RYR2: variants seen among roughly 807,000 people sequenced by gnomAD.
The protein encoded by RYR2 is cardiac muscle ryanodine receptor-calcium release channel.
A neutral mutation model predicts 601.1 loss-of-function variants in RYR2; 227 were observed. The observed-to-expected ratio is 0.38, with a 90% CI of 0.34 to 0.42. RYR2 has a LOEUF of 0.42. RYR2 is among the 10% of genes least tolerant of loss of function. RYR2 has a pLI of 1.00. For missense variants in RYR2, 4,646 were observed against 6,156.5 expected (o/e 0.75, Z 8.21); for synonymous variants, 2,223 against 2,175.1 (o/e 1.02, Z -0.61).
intron 1 of RYR2, among the ~76,000 whole-genome samples, chr1:237,208,400 C>T (rs1038885309): frequency 6.6e-6 from 1 of 152,112 alleles, no homozygotes; most frequent in Non-Finnish European, 1.5e-5. Context: ...GTCTACATTA[C>T]ATAAAATAAG....
At chr1:237,208,970 A>ATATATATATATG (rs1682196595) in intron 1 of RYR2, among the ~76,000 whole-genome samples, 1 of 91,532 alleles carries the variant, frequency 1.1e-5, no homozygotes, top group African/African-American at 3.3e-5. Context: ...ATATATATAT[A>ATATATATATATG]TATATATATA....
chr1:237,757,825 C>T (rs2149266604), intron 82 of RYR2, 49 bp downstream of exon 82: 1 of 1,122,758 alleles, frequency 8.9e-7, no homozygotes, highest in East Asian at 2.4e-5. Flanking sequence ...ACAAATGGAC[C>T]ATATAGTAAA....
chr1:237,710,045 T>A (rs1409734294), intron 70 of RYR2, among the ~76,000 whole-genome samples: 1 of 152,228 alleles, frequency 6.6e-6, no homozygotes, highest in Non-Finnish European at 1.5e-5. Context: ...AAAATAAAGC[T>A]TCTTTCTACT....
intron 38 of RYR2, among the ~76,000 whole-genome samples, chr1:237,618,754 T>C (rs1678764392): frequency 6.6e-6 from 1 of 152,054 alleles, no homozygotes; most frequent in Non-Finnish European, 1.5e-5. Context: ...TGACTTCCAC[T>C]CTCACCAGGC....
intron 50 of RYR2, among the ~76,000 whole-genome samples, chr1:237,650,516 T>A (rs1292386932): frequency 6.6e-6 from 1 of 152,236 alleles, no homozygotes. Context: ...CAGCATAATA[T>A]TAAACCATAT....
At chr1:237,562,163 T>G (rs1278264917) in intron 27 of RYR2, among the ~76,000 whole-genome samples, 2 of 152,166 alleles carry the variant, frequency 1.3e-5, no homozygotes, top group African/African-American at 4.8e-5. Flanking sequence ...ATCTTTGGAG[T>G]ACTGTTGTCA....
At chr1:237,566,270 G>T (rs1672071287) in intron 27 of RYR2, among the ~76,000 whole-genome samples, 1 of 152,026 alleles carries the variant, frequency 6.6e-6, no homozygotes, top group Admixed American at 6.6e-5. Context: ...CTTGGGTTTT[G>T]TTCTACAGAA....
chr1:237,058,231 GGAAAA>G (rs1023022635), intron 1 of RYR2, among the ~76,000 whole-genome samples: 3 of 152,162 alleles, frequency 2.0e-5, no homozygotes, highest in African/African-American at 7.2e-5. Flanking sequence ...TCAGGTCAGG[GGAAAA>G]TGTTGAAATA....
chr1:237,385,100 A>C (rs1328981185), intron 8 of RYR2, among the ~76,000 whole-genome samples: 1 of 152,050 alleles, frequency 6.6e-6, no homozygotes. Context: ...CATGTTAGCC[A>C]GGATGGTCTC....
At chr1:237,701,778 T>C (rs561236559) in intron 65 of RYR2, among the ~76,000 whole-genome samples, 200 bp from the exon 66 acceptor site, 34 of 152,234 alleles carry the variant, frequency 2.2e-4, no homozygotes, top group African/African-American at 8.2e-4. Context: ...ACATGTGATA[T>C]TTGACTTTAT....
At position 237,515,899 on chromosome 1, in the gene RYR2, T is replaced by TC. The variant is rs1558953222; in HGVS notation, c.2822+4110dup. Among the ~76,000 whole-genome samples the TC allele has an allele frequency of 6.0e-3, 892 of 148,294 alleles. 12 individuals are homozygous for TC. Among genetic ancestry groups the TC allele is most frequent in the African/African-American group, 0.021 (847 of 39,754 alleles). The stretch of plus-strand genomic sequence containing the variant: ...CTTCCTCTTCTCCTCCTCCCTCTTC[T>TC]CCTTCTCCCTCTTCTCCCTCTCCCT... On this transcript the variant is annotated intron_variant, in intron 24 of 104. Transcript: ENST00000366574.
At chr1:237,402,443 A>C (rs1374682169) in intron 10 of RYR2, among the ~76,000 whole-genome samples, 1 of 151,900 alleles carries the variant, frequency 6.6e-6, no homozygotes, top group Non-Finnish European at 1.5e-5. Flanking sequence ...TCTAAGAATT[A>C]AAAGATGCAA....
chr1:237,197,891 G>A (rs991525317), intron 1 of RYR2, among the ~76,000 whole-genome samples: 1 of 152,200 alleles, frequency 6.6e-6, no homozygotes, highest in African/African-American at 2.4e-5. Context: ...TTGCAAGCTG[G>A]TTGTAGCACA....
chr1:237,658,095 T>A (rs536533318), intron 54 of RYR2, 73 bp downstream of exon 54: 1 of 852,408 alleles, frequency 1.2e-6, no homozygotes, highest in East Asian at 3.3e-5. Context: ...TTTCTGACCA[T>A]GACAGTTTTC....
intron 1 of RYR2, among the ~76,000 whole-genome samples, chr1:237,050,541 A>AT (rs901687813): frequency 5.3e-5 from 8 of 152,138 alleles, no homozygotes; most frequent in Non-Finnish European, 1.0e-4. Flanking sequence ...TTCCTTTAAC[A>AT]TTTTTGGTAT....
At chr1:237,518,189 G>A (rs954600020) in intron 24 of RYR2, among the ~76,000 whole-genome samples, 3 of 151,796 alleles carry the variant, frequency 2.0e-5, no homozygotes, top group African/African-American at 7.3e-5. Flanking sequence ...TTTCCCACCT[G>A]AAATTATAAT....
At chr1:237,094,654 A>G (rs1667321337) in intron 1 of RYR2, among the ~76,000 whole-genome samples, 1 of 152,128 alleles carries the variant, frequency 6.6e-6, no homozygotes, top group African/African-American at 2.4e-5. Context: ...GGCCCACTGC[A>G]AACTCCGCCT....
intron 1 of RYR2, among the ~76,000 whole-genome samples, chr1:237,088,934 T>C (rs921508894): frequency 2.0e-5 from 3 of 152,238 alleles, no homozygotes; most frequent in African/African-American, 7.2e-5. Flanking sequence ...TAACCCTTTC[T>C]TGCCTGAGTT....
At chr1:237,246,196 A>G (rs929472366) in intron 1 of RYR2, among the ~76,000 whole-genome samples, 1 of 151,966 alleles carries the variant, frequency 6.6e-6, no homozygotes, top group African/African-American at 2.4e-5. Flanking sequence ...CCTGGGTTCC[A>G]GCGATTCTCC....
Sources: allele counts gnomAD v4.1 joint callset (sites outside exome capture counted in the v4.1 genomes callset), GRCh38; gene constraint gnomAD v4.1.1; transcripts MANE v1.5; gene names NCBI Gene and HGNC (gene_info 2026-07-23, HGNC 2026-07-21).